KCNH5: variants seen among roughly 807,000 people sequenced by gnomAD.
KCNH5 encodes the protein voltage-gated delayed rectifier potassium channel KCNH5.
KCNH5 carries 46 observed loss-of-function variants against 96.1 expected under a neutral mutation model. That is an observed-to-expected ratio of 0.48 (90% CI 0.38 to 0.61). The LOEUF (loss-of-function observed/expected upper bound fraction) is 0.61. KCNH5 is among the 20% of genes least tolerant of loss of function. KCNH5 has a pLI of 0.00. For synonymous variants in KCNH5, 439 were observed against 449.8 expected (o/e 0.98, Z 0.30); for missense variants, 907 against 1,225.8 (o/e 0.74, Z 3.88).
At chr14:62,858,272 GT>G (rs979981750) in intron 7 of KCNH5, among the ~76,000 whole-genome samples, 11 of 152,280 alleles carry the variant, frequency 7.2e-5, no homozygotes, top group African/African-American at 2.6e-4. Context: ...AGCAGGTCGT[GT>G]TTTTTCCTGG....
At chr14:62,849,527 T>G (rs1264851470) in intron 8 of KCNH5, 126 bp downstream of exon 8, 1 of 713,742 alleles carries the variant, frequency 1.4e-6, no homozygotes, top group Non-Finnish European at 2.4e-6. Context: ...TTGACTGATA[T>G]GTCACTTACA....
intron 7 of KCNH5, among the ~76,000 whole-genome samples, chr14:62,870,649 T>C (rs1888235389): frequency 6.6e-6 from 1 of 152,186 alleles, no homozygotes; most frequent in Admixed American, 6.5e-5. Flanking sequence ...GGATAATGCA[T>C]GGAAACCTTT....
chr14:62,721,313 C>A (rs977097372), intron 10 of KCNH5, among the ~76,000 whole-genome samples: 14 of 152,184 alleles, frequency 9.2e-5, no homozygotes, highest in Non-Finnish European at 1.9e-4. Context: ...TTTTAAAGAT[C>A]AAACTTGTGG....
chr14:62,950,282 C>A lies in KCNH5; in HGVS notation c.1220G>T (p.Gly407Val). 2 of 1,613,938 alleles carry A rather than the reference C, an allele frequency of 1.2e-6. No homozygotes were observed. The highest frequency in any genetic ancestry group is 1.7e-6 in the Non-Finnish European group (2 of 1,179,962). Residue 407 changes from glycine (G) to valine (V), a missense_variant, in exon 7 of 11, where the codon GGG becomes GTG. By Grantham distance (109) the Gly-to-Val change is moderately radical. Around this residue, in one of 6 missense-constraint regions of KCNH5, gnomAD observed 370 missense variants for 561.3 expected, o/e 0.66. Transcript: ENST00000322893. The stretch of plus-strand genomic sequence containing the variant: ...CTTGCTGGGTCCTCCTTCCCATATC[C>A]CAGCACTGGTATTGTAGCGATATGG... Reference protein sequence around the residue: ...GTPYRYNTSAGIWEGGPSKDS... With the variant: ...GTPYRYNTSAVIWEGGPSKDS...
intron 10 of KCNH5, among the ~76,000 whole-genome samples, chr14:62,713,824 C>G (rs1299691670): frequency 6.6e-6 from 1 of 152,066 alleles, no homozygotes; most frequent in Non-Finnish European, 1.5e-5. Flanking sequence ...GTAATTAGGC[C>G]CTCTCTACAA....
intron 8 of KCNH5, among the ~76,000 whole-genome samples, chr14:62,840,566 C>CTTTTCTTTCTTTTTT (rs1887561319): frequency 5.2e-5 from 4 of 76,392 alleles, no homozygotes; most frequent in African/African-American, 2.3e-4. Context: ...TCTTTTTTTT[C>CTTTTCTTTCTTTTTT]TTTTTTTTTT....
intron 10 of KCNH5, among the ~76,000 whole-genome samples, chr14:62,753,232 C>G (rs1885542655): frequency 6.6e-6 from 1 of 152,112 alleles, no homozygotes; most frequent in Non-Finnish European, 1.5e-5. Context: ...ATCACAGTCT[C>G]TTAATAGCAG....
At chr14:62,940,034 A>G (rs1277762982) in intron 7 of KCNH5, among the ~76,000 whole-genome samples, 1 of 152,208 alleles carries the variant, frequency 6.6e-6, no homozygotes, top group Admixed American at 6.5e-5. Context: ...CCATTTTACA[A>G]ATGATGGTTT....
At chr14:62,837,717 T>G (rs1887492120) in intron 8 of KCNH5, among the ~76,000 whole-genome samples, 1 of 152,192 alleles carries the variant, frequency 6.6e-6, no homozygotes, top group African/African-American at 2.4e-5. Context: ...ATGAACTACT[T>G]CTGATCATAC....
intron 10 of KCNH5, among the ~76,000 whole-genome samples, chr14:62,755,484 T>C (rs1483732284): frequency 6.6e-6 from 1 of 152,148 alleles, no homozygotes; most frequent in Admixed American, 6.5e-5. Context: ...GGCTTCACAG[T>C]TGAATTTTAT....
At chr14:63,042,958 C>T (rs992336576) in intron 1 of KCNH5, among the ~76,000 whole-genome samples, 2 of 152,076 alleles carry the variant, frequency 1.3e-5, no homozygotes, top group African/African-American at 4.8e-5. Flanking sequence ...TTAGAGGTGG[C>T]ATTTAAGTGC....
At chr14:62,812,551 T>C (rs1886893917) in intron 8 of KCNH5, among the ~76,000 whole-genome samples, 1 of 152,124 alleles carries the variant, frequency 6.6e-6, no homozygotes, top group African/African-American at 2.4e-5. Context: ...TTTCATGCAC[T>C]ATGGTATCAA....
In KCNH5 at chr14:62,703,158, C is replaced by A. The variant is rs537472605; in HGVS notation, c.*4350G>T. The A allele has an allele frequency of 6.6e-6, 1 of 151,854 alleles. No homozygotes were observed. The highest frequency in any genetic ancestry group is 2.4e-5 in the African/African-American group (1 of 41,400). 9.4% of individuals were successfully genotyped at this position (151,854 alleles called of 1,614,324 possible). On this transcript the variant is annotated 3_prime_UTR_variant, in exon 11 of 11. Coordinates refer to ENST00000322893, the MANE Select transcript of KCNH5 (RefSeq NM_139318.5). Reference sequence around the variant, plus strand: ...TGTCAAAGGAGCTTCATTCTTTCCACGTTTATTTGATTTGTAGTTCTAAAT... The same window carrying A: ...TGTCAAAGGAGCTTCATTCTTTCCAAGTTTATTTGATTTGTAGTTCTAAAT...
intron 7 of KCNH5, among the ~76,000 whole-genome samples, chr14:62,926,836 A>G (rs1189562900): frequency 1.3e-5 from 2 of 152,082 alleles, no homozygotes; most frequent in African/African-American, 4.8e-5. Flanking sequence ...ATTGAGGGAG[A>G]CACAATTCAG....
chr14:62,977,822 G>C (rs966498886), intron 6 of KCNH5, among the ~76,000 whole-genome samples: 1 of 152,094 alleles, frequency 6.6e-6, no homozygotes, highest in African/African-American at 2.4e-5. Context: ...TAAATGCCTG[G>C]GAAGGACAAA....
intron 10 of KCNH5, chr14:62,712,482 G>A: frequency 3.3e-6 from 2 of 604,464 alleles, no homozygotes; most frequent in Non-Finnish European, 5.9e-6. Flanking sequence ...GAGGCATAAA[G>A]AGTTTAAGTG....
intron 4 of KCNH5, 119 bp downstream of exon 4, chr14:63,001,212 C>T: frequency 1.2e-6 from 1 of 806,580 alleles, no homozygotes; most frequent in Admixed American, 3.5e-5. Flanking sequence ...AGCAATGAAG[C>T]AAAAGAAAGG....
chr14:62,729,798 C>T (rs1018216591), intron 10 of KCNH5, among the ~76,000 whole-genome samples: 1 of 152,150 alleles, frequency 6.6e-6, no homozygotes, highest in Non-Finnish European at 1.5e-5. Context: ...CCAGGTCTAG[C>T]CTACTACAAA....
Position 63,001,363 on chromosome 14 carries a change from A to G in KCNH5, c.401T>C (p.Phe134Ser), listed in dbSNP as rs112793328. The change falls in exon 4 of 11, where the codon TTC becomes TCC. Residue 134 changes from phenylalanine to serine, a missense_variant. By Grantham distance (155) the Phe-to-Ser change is radical. Around this residue, in one of 6 missense-constraint regions of KCNH5, gnomAD observed 370 missense variants for 561.3 expected, o/e 0.66. Transcript: ENST00000322893. ...TGAATCATCCTCTATTGGCTGTTTGAACAACGTAATATCCTTGAAAGTACA... is the reference window on the plus strand; with the variant it reads ...TGAATCATCCTCTATTGGCTGTTTGGACAACGTAATATCCTTGAAAGTACA... ...FLCTFKDITL[F>S]KQPIEDDSTK... 1 of 1,611,436 alleles carries G rather than the reference A, an allele frequency of 6.2e-7. No individual in the cohort carries two copies. The highest frequency in any genetic ancestry group is 2.2e-5 in the East Asian group (1 of 44,740).
Sources: allele counts gnomAD v4.1 joint callset (sites outside exome capture counted in the v4.1 genomes callset), GRCh38; gene constraint gnomAD v4.1.1; regional missense constraint gnomAD v4.1.1; transcripts MANE v1.5; gene names NCBI Gene and HGNC (gene_info 2026-07-23, HGNC 2026-07-21).